Variants in GAD2 observed in about 807,000 individuals in gnomAD.
The protein encoded by GAD2 is glutamate decarboxylase 2, also known as 65 kDa glutamic acid decarboxylase.
A neutral mutation model predicts 80.1 loss-of-function variants in GAD2; 22 were observed. That is an observed-to-expected ratio of 0.27 (90% CI 0.20 to 0.39). The LOEUF (loss-of-function observed/expected upper bound fraction) is 0.39, where lower values mean the gene tolerates loss of function less well. GAD2 is among the 10% of genes least tolerant of loss of function. The probability of loss-of-function intolerance (pLI) is 1.00; values close to 1 mark genes in which losing one functional copy is unlikely to be tolerated. For synonymous variants in GAD2, 274 were observed against 256.9 expected (o/e 1.07, Z -0.64); for missense variants, 624 against 738.4 (o/e 0.85, Z 1.80).
intron 15 of GAD2, among the ~76,000 whole-genome samples, chr10:26,297,431 G>A (rs905709632): frequency 4.6e-5 from 7 of 152,092 alleles, no homozygotes; most frequent in African/African-American, 9.7e-5. Flanking sequence ...TGGAAAAGTC[G>A]CCTGGTTATT....
At chr10:26,250,398 CT>C (rs765141192) in intron 8 of GAD2, among the ~76,000 whole-genome samples, 2 of 152,188 alleles carry the variant, frequency 1.3e-5, no homozygotes, top group East Asian at 1.9e-4. Flanking sequence ...TCTAGTACCC[CT>C]GTCTACTCAC....
chr10:26,247,504 G>A (rs1231446747), intron 8 of GAD2, among the ~76,000 whole-genome samples: 1 of 152,114 alleles, frequency 6.6e-6, no homozygotes, highest in Non-Finnish European at 1.5e-5. Context: ...ACAGGAGGAG[G>A]AATGAGCACC....
chr10:26,279,956 A>C (rs564055527), intron 11 of GAD2, among the ~76,000 whole-genome samples: 6 of 152,350 alleles, frequency 3.9e-5, no homozygotes, highest in African/African-American at 1.4e-4. Context: ...GGAAAGATCG[A>C]GTTAAGCAGT....
intron 13 of GAD2, among the ~76,000 whole-genome samples, chr10:26,291,778 C>G (rs1262975497): frequency 6.6e-6 from 1 of 152,186 alleles, no homozygotes. Context: ...CAGCTCCAGT[C>G]CAAGACTGTT....
intron 11 of GAD2, 85 bp from the exon 12 acceptor site, chr10:26,280,924 A>C (rs1269153234): frequency 1.1e-5 from 9 of 812,370 alleles, no homozygotes; most frequent in Non-Finnish European, 1.9e-5. Context: ...CTGAGAAACA[A>C]TACCAAGAAA....
At chr10:26,242,174 G>T (rs1589141672) in intron 7 of GAD2, among the ~76,000 whole-genome samples, 1 of 152,266 alleles carries the variant, frequency 6.6e-6, no homozygotes, top group East Asian at 1.9e-4. Context: ...TTTTAGTAGA[G>T]ACAGAGTTTC....
At chr10:26,232,748 C>G (rs766563588) in intron 7 of GAD2, among the ~76,000 whole-genome samples, 1 of 152,116 alleles carries the variant, frequency 6.6e-6, no homozygotes, top group Non-Finnish European at 1.5e-5. Context: ...GGTGATCCAT[C>G]CGCCTTCACC....
intron 8 of GAD2, 63 bp from the exon 9 acceptor site, chr10:26,269,056 T>TTA: frequency 7.6e-7 from 1 of 1,319,952 alleles, no homozygotes; most frequent in Non-Finnish European, 1.1e-6. Context: ...CTGCGGCCAC[T>TTA]TACGTTGTAA....
At chr10:26,224,931 G>A (rs1425334400) in intron 6 of GAD2, among the ~76,000 whole-genome samples, 3 of 152,268 alleles carry the variant, frequency 2.0e-5, no homozygotes, top group South Asian at 2.1e-4. Context: ...CAGGATGTAC[G>A]GATAATGTGG....
At chr10:26,250,462 C>T (rs1326722182) in intron 8 of GAD2, among the ~76,000 whole-genome samples, 6 of 152,032 alleles carry the variant, frequency 3.9e-5, no homozygotes, top group Non-Finnish European at 5.9e-5. Context: ...AGCTAGGGCT[C>T]GGGGCTTTCT....
intron 7 of GAD2, 52 bp downstream of exon 7, chr10:26,229,829 G>GC: frequency 1.5e-6 from 2 of 1,325,124 alleles, no homozygotes; most frequent in Non-Finnish European, 2.2e-6. Flanking sequence ...TAAAGCCCGA[G>GC]TTTAAGGAGT....
intron 7 of GAD2, among the ~76,000 whole-genome samples, chr10:26,237,931 C>T (rs1401929758): frequency 4.0e-5 from 6 of 151,428 alleles, no homozygotes; most frequent in Admixed American, 1.3e-4. Flanking sequence ...CACTTGAACC[C>T]GGGAAGCAAA....
chr10:26,247,899 AAAAAAAAAAAAAAGGAAAAG>A lies in GAD2; in HGVS notation c.920+1912_920+1931del, dbSNP rs1404403674. On this transcript the variant is annotated intron_variant, in intron 8 of 15. Transcript: ENST00000376261. ...CAACAAAGCAAGACTCCATCTCAAA[AAAAAAAAAAAAAAGGAAAAG>A]AAAAAAAAAAAAGAAAGCTCTAAAA... Among the ~76,000 whole-genome samples, 3 of 113,744 alleles carry A rather than the reference AAAAAAAAAAAAAAGGAAAAG, an allele frequency of 2.6e-5. No homozygotes were observed. In the East Asian group the frequency reaches 7.9e-4, roughly 30 times the overall value. 74.6% of individuals were successfully genotyped at this position (113,744 alleles called of 152,430 possible).
At position 26,303,557 on chromosome 10, in the gene GAD2, C is replaced by T. The variant is rs1174063017; in HGVS notation, c.*2596C>T. 2.0e-5 allele frequency: 3 copies of T among 150,648 alleles called. No homozygotes were observed. The highest frequency in any genetic ancestry group is 7.3e-5 in the African/African-American group (3 of 40,948). The allele number at this position is 150,648 out of a possible 1,614,324, so 9.3% of individuals were successfully genotyped here. On this transcript the variant is annotated 3_prime_UTR_variant, in exon 16 of 16. Coordinates refer to ENST00000376261, the MANE Select transcript of GAD2 (RefSeq NM_001134366.2). ...TAATATTAGCCCAAATTCCCAGTGC[C>T]ATGGTCTTTATGTGTGCCCATTCTT...
At chr10:26,257,042 C>T (rs1844951909) in intron 8 of GAD2, among the ~76,000 whole-genome samples, 1 of 151,598 alleles carries the variant, frequency 6.6e-6, no homozygotes, top group Non-Finnish European at 1.5e-5. Flanking sequence ...CTCTTGCTGT[C>T]TCTCATTTAT....
chr10:26,245,823 A>G, intron 7 of GAD2, 98 bp from the exon 8 acceptor site: 1 of 925,200 alleles, frequency 1.1e-6, no homozygotes, highest in South Asian at 1.5e-5. Context: ...AACAGACTAG[A>G]AATGAAAGGA....
intron 8 of GAD2, among the ~76,000 whole-genome samples, chr10:26,261,039 G>C (rs1156262056): frequency 6.6e-6 from 1 of 152,080 alleles, no homozygotes. Context: ...GCAAAGTTGA[G>C]TATTTTATAC....
intron 10 of GAD2, among the ~76,000 whole-genome samples, chr10:26,273,039 AAGG>A (rs1269534224): frequency 6.6e-6 from 1 of 152,238 alleles, no homozygotes; most frequent in East Asian, 1.9e-4. Context: ...TCTATTTTTA[AAGG>A]AGATTACTAC....
intron 8 of GAD2, among the ~76,000 whole-genome samples, chr10:26,268,403 G>A (rs943514321): frequency 1.7e-4 from 26 of 149,840 alleles, no homozygotes; most frequent in African/African-American, 6.5e-4. Flanking sequence ...GGGAGGCGGA[G>A]CTTGCAGTGA....
Sources: allele counts gnomAD v4.1 joint callset (sites outside exome capture counted in the v4.1 genomes callset), GRCh38; gene constraint gnomAD v4.1.1; transcripts MANE v1.5; gene names NCBI Gene and HGNC (gene_info 2026-07-23, HGNC 2026-07-21).